Variants in SHTN1 observed in about 807,000 individuals in gnomAD.
The protein encoded by SHTN1 is shootin-1.
In SHTN1, 42 loss-of-function variants were observed where a neutral mutation model predicts 83.1. The observed-to-expected ratio is 0.51, with a 90% confidence interval of 0.39 to 0.65. SHTN1 has a LOEUF of 0.65. SHTN1 is among the 30% of genes least tolerant of loss of function. The pLI, the probability that SHTN1 is intolerant of heterozygous loss-of-function variation, is 0.00. For synonymous variants in SHTN1, 224 were observed against 247.7 expected (o/e 0.90, Z 0.90); for missense variants, 622 against 737.8 (o/e 0.84, Z 1.82).
intron 2 of SHTN1, among the ~76,000 whole-genome samples, chr10:117,017,080 G>A (rs915861327): frequency 1.3e-5 from 2 of 152,094 alleles, no homozygotes; most frequent in African/African-American, 4.8e-5. Context: ...GATGAACCTA[G>A]AGCATCTTGT....
intron 1 of SHTN1, among the ~76,000 whole-genome samples, chr10:117,077,725 G>A (rs1334438200): frequency 2.0e-5 from 3 of 151,920 alleles, no homozygotes; most frequent in African/African-American, 4.8e-5. Context: ...GAGAACATGC[G>A]GTGTTTGGTT....
chr10:116,987,334 C>T (rs546475511), intron 1 of SHTN1, among the ~76,000 whole-genome samples: 1 of 152,216 alleles, frequency 6.6e-6, no homozygotes, highest in African/African-American at 2.4e-5. Context: ...TTACCACCAC[C>T]CTAATGTTTA....
At position 116,886,074 on chromosome 10, in the gene SHTN1, T is replaced by C. The variant is rs369817717; in HGVS notation, c.*270A>G. 19 of 441,242 alleles carry C rather than the reference T, an allele frequency of 4.3e-5. No homozygotes were observed. Among genetic ancestry groups the C allele is most frequent in the African/African-American group, 2.4e-4 (12 of 50,814 alleles). The allele number at this position is 441,242 out of a possible 1,614,324, so 27.3% of individuals were successfully genotyped here. On this transcript the variant is annotated 3_prime_UTR_variant, in exon 17 of 17. Coordinates refer to ENST00000355371, the MANE Select transcript of SHTN1 (RefSeq NM_001127211.3). ...TCAACATCTGAATTTTTTTGTAACCTTCTAAAAGAAGTCATACTTAATACA... is the reference window on the plus strand; with the variant it reads ...TCAACATCTGAATTTTTTTGTAACCCTCTAAAAGAAGTCATACTTAATACA...
chr10:117,056,902 A>G (rs1852833631), intron 1 of SHTN1, among the ~76,000 whole-genome samples: 1 of 152,232 alleles, frequency 6.6e-6, no homozygotes, highest in South Asian at 2.1e-4. Flanking sequence ...TGATAAAAGC[A>G]TCTATAAAAA....
At chr10:116,990,270 CTTTT>C (rs1207031739) in intron 1 of SHTN1, among the ~76,000 whole-genome samples, 121 of 126,998 alleles carry the variant, frequency 9.5e-4, no homozygotes, top group African/African-American at 3.4e-3. Flanking sequence ...TGTCTTTTTT[CTTTT>C]TCTTTTTTCT....
chr10:116,999,884 G>A (rs1274260467), intron 1 of SHTN1, among the ~76,000 whole-genome samples: 1 of 152,152 alleles, frequency 6.6e-6, no homozygotes, highest in East Asian at 1.9e-4. Flanking sequence ...TTGCACTCCA[G>A]CCTGGGTGAC....
At chr10:117,089,301 G>A (rs1400600561) in intron 1 of SHTN1, among the ~76,000 whole-genome samples, 2 of 152,122 alleles carry the variant, frequency 1.3e-5, no homozygotes, top group South Asian at 2.1e-4. Context: ...CTTTATGTAA[G>A]TCATATCATT....
chr10:116,914,724 A>C (rs1291841513), intron 13 of SHTN1, among the ~76,000 whole-genome samples: 4 of 152,202 alleles, frequency 2.6e-5, no homozygotes, highest in Non-Finnish European at 5.9e-5. Context: ...GCTTATTTAA[A>C]TGTAGTGGAT....
At chr10:116,952,067 T>G in intron 5 of SHTN1, 61 bp from the exon 6 acceptor site, 3 of 849,464 alleles carry the variant, frequency 3.5e-6, no homozygotes, top group Non-Finnish European at 5.1e-6. Flanking sequence ...GAAATCAATC[T>G]GGTCAAAAGA....
intron 2 of SHTN1, among the ~76,000 whole-genome samples, chr10:117,038,285 C>T (rs1212545458): frequency 1.4e-5 from 2 of 141,438 alleles, no homozygotes; most frequent in African/African-American, 2.6e-5. Context: ...GGACTACAGA[C>T]ATGCCACCAT....
At chr10:116,980,606 C>A (rs1448715006) in intron 1 of SHTN1, among the ~76,000 whole-genome samples, 5 of 151,402 alleles carry the variant, frequency 3.3e-5, no homozygotes, top group Non-Finnish European at 7.4e-5. Flanking sequence ...AAAAACAGAG[C>A]TTCCTATTTC....
chr10:117,067,578 G>A (rs1008319602), intron 1 of SHTN1, among the ~76,000 whole-genome samples: 4 of 151,692 alleles, frequency 2.6e-5, no homozygotes, highest in East Asian at 1.9e-4. Flanking sequence ...CTGGGCAACA[G>A]AGCAAAACTC....
At chr10:116,915,711 G>C (rs1167148191) in intron 12 of SHTN1, among the ~76,000 whole-genome samples, 3 of 152,148 alleles carry the variant, frequency 2.0e-5, no homozygotes, top group Admixed American at 6.5e-5. Context: ...ATAAAAATTT[G>C]TAGCCTGGAT....
At chr10:117,006,449 C>T (rs1194812005), upstream of SHTN1, among the ~76,000 whole-genome samples, 2 of 151,564 alleles carry the variant, frequency 1.3e-5, no homozygotes, top group African/African-American at 4.8e-5. Flanking sequence ...GCCTGTAGTC[C>T]CACCTACTCG....
chr10:117,104,997 A>G (rs1853651970), intron 1 of SHTN1, among the ~76,000 whole-genome samples: 1 of 151,758 alleles, frequency 6.6e-6, no homozygotes, highest in African/African-American at 2.4e-5. Flanking sequence ...TCACCACCAC[A>G]CACCACTGCC....
chr10:116,939,029 G>C (rs937499837), intron 9 of SHTN1, among the ~76,000 whole-genome samples: 1 of 152,200 alleles, frequency 6.6e-6, no homozygotes, highest in African/African-American at 2.4e-5. Context: ...CCAAGCTCGA[G>C]TGTCCCAGGT....
intron 1 of SHTN1, among the ~76,000 whole-genome samples, chr10:117,107,836 TTTTG>T (rs1339952927): frequency 1.3e-5 from 2 of 152,138 alleles, no homozygotes; most frequent in East Asian, 1.9e-4. Context: ...TTTTGTTTTG[TTTTG>T]TTTGAGAAAG....
intron 1 of SHTN1, among the ~76,000 whole-genome samples, chr10:117,061,785 G>A (rs771642350): frequency 1.3e-5 from 2 of 152,120 alleles, no homozygotes; most frequent in Non-Finnish European, 2.9e-5. Context: ...TTTCTACAAA[G>A]AGGAAAAGTC....
At chr10:117,030,239 C>T (rs546657470) in intron 2 of SHTN1, among the ~76,000 whole-genome samples, 34 of 152,146 alleles carry the variant, frequency 2.2e-4, no homozygotes, top group Admixed American at 9.2e-4. Flanking sequence ...GTGAGAATGA[C>T]GTAATACAAC....
Sources: gnomAD v4.1 joint callset for allele counts (sites outside exome capture counted in the v4.1 genomes callset) on GRCh38, gnomAD v4.1.1 for gene constraint, MANE v1.5 for transcripts, NCBI Gene and HGNC (gene_info 2026-07-23, HGNC 2026-07-21) for gene names.